The following PIGU variants were observed in gnomAD, a reference collection of about 807,000 sequenced individuals.
The protein encoded by PIGU is GPI-anchor transamidase component PIGU.
A neutral mutation model predicts 49.9 loss-of-function variants in PIGU; 24 were observed. That is an observed-to-expected ratio of 0.48 (90% CI 0.35 to 0.68). PIGU has a LOEUF of 0.68. Among genes scored for constraint, PIGU ranks in the 30% least tolerant of loss-of-function variants. The pLI is 0.01. For synonymous variants in PIGU, 220 were observed against 205.7 expected (o/e 1.07, Z -0.59); for missense variants, 490 against 532.6 (o/e 0.92, Z 0.79).
chr20:34,583,560 C>T (rs1284706796), intron 9 of PIGU, among the ~76,000 whole-genome samples: 1 of 152,222 alleles, frequency 6.6e-6, no homozygotes, highest in African/African-American at 2.4e-5. Context: ...GACATTATTG[C>T]CTAGCCAGGA....
chr20:34,647,105 C>A (rs1455468875), intron 2 of PIGU, among the ~76,000 whole-genome samples: 1 of 151,970 alleles, frequency 6.6e-6, no homozygotes, highest in Non-Finnish European at 1.5e-5. Context: ...CGGGTTCAAG[C>A]GATTCTCCTG....
At position 34,560,765 on chromosome 20, in the gene PIGU, C is replaced by A; in HGVS notation, c.*101G>T. On this transcript the variant is annotated 3_prime_UTR_variant, in exon 12 of 12. Coordinates refer to ENST00000217446, the MANE Select transcript of PIGU (RefSeq NM_080476.5). ...TTGTGACCCTGGACTCGAACCTCTT[C>A]TGCCCAAGCACTCGCCTGCTGGCAA... is the stretch of plus-strand genomic sequence containing the variant. 1.2e-6 allele frequency: 1 copy of A among 847,234 alleles called. No individual in the cohort carries two copies. The highest frequency in any genetic ancestry group is 1.7e-6 in the Non-Finnish European group (1 of 575,068). The allele number at this position is 847,234 out of a possible 1,614,324, so 52.5% of individuals were successfully genotyped here. A position where few individuals can be genotyped will look rare whatever the true frequency, so the allele number is the denominator to read the frequency against.
chr20:34,656,577 C>T (rs1004778192), intron 2 of PIGU, among the ~76,000 whole-genome samples: 27 of 152,002 alleles, frequency 1.8e-4, no homozygotes, highest in South Asian at 4.2e-4. Flanking sequence ...CCACTGCACC[C>T]GGCCTGTTTT....
chr20:34,600,545 G>A (rs1984376347), intron 7 of PIGU, among the ~76,000 whole-genome samples: 1 of 151,316 alleles, frequency 6.6e-6, no homozygotes, highest in Non-Finnish European at 1.5e-5. Context: ...TCTTCCTCCT[G>A]AAAAAGACTG....
chr20:34,566,300 T>C (rs948172976), intron 11 of PIGU, among the ~76,000 whole-genome samples: 3 of 152,254 alleles, frequency 2.0e-5, no homozygotes, highest in Non-Finnish European at 4.4e-5. Flanking sequence ...TCCAGTTCTA[T>C]GGCCCCAGGC....
intron 5 of PIGU, among the ~76,000 whole-genome samples, chr20:34,636,422 T>C (rs1000004525): frequency 6.6e-6 from 1 of 151,824 alleles, no homozygotes; most frequent in South Asian, 2.1e-4. Flanking sequence ...CGGGTACCTG[T>C]AGTCCCAGCT....
intron 1 of PIGU, among the ~76,000 whole-genome samples, chr20:34,665,782 T>C (rs998842332): frequency 2.1e-4 from 32 of 152,306 alleles, no homozygotes; most frequent in Admixed American, 3.9e-4. Flanking sequence ...AGATGTTTCA[T>C]CTATGTACAT....
intron 1 of PIGU, among the ~76,000 whole-genome samples, chr20:34,663,944 C>A (rs1432076172): frequency 6.6e-6 from 1 of 152,168 alleles, no homozygotes; most frequent in African/African-American, 2.4e-5. Context: ...AGCTTGAGGA[C>A]AGACTGCACA....
At chr20:34,646,698 T>G (rs1986357244) in intron 2 of PIGU, among the ~76,000 whole-genome samples, 6 of 152,214 alleles carry the variant, frequency 3.9e-5, no homozygotes, top group Admixed American at 3.9e-4. Flanking sequence ...CAGGAGCCAC[T>G]GTGCCCAGCC....
At chr20:34,621,992 A>G (rs1985253034) in intron 6 of PIGU, among the ~76,000 whole-genome samples, 1 of 152,084 alleles carries the variant, frequency 6.6e-6, no homozygotes, top group South Asian at 2.1e-4. Context: ...GGAGGGCAAG[A>G]GAGAATGGTG....
intron 10 of PIGU, among the ~76,000 whole-genome samples, chr20:34,576,995 G>A (rs1002889736): frequency 3.9e-5 from 6 of 152,112 alleles, no homozygotes; most frequent in African/African-American, 9.7e-5. Flanking sequence ...GGATTACAAC[G>A]TGGACATCTT....
chr20:34,635,416 C>G (rs1325237604), intron 5 of PIGU, among the ~76,000 whole-genome samples: 1 of 152,162 alleles, frequency 6.6e-6, no homozygotes, highest in African/African-American at 2.4e-5. Context: ...TGGACCCTCA[C>G]TAGGAAGGAG....
chr20:34,600,556 C>T (rs1055423147), intron 7 of PIGU, among the ~76,000 whole-genome samples: 35 of 151,574 alleles, frequency 2.3e-4, no homozygotes, highest in African/African-American at 8.3e-4. Flanking sequence ...AAAAAGACTG[C>T]CATTTAGCAA....
chr20:34,589,104 TACACACAC>T (rs11469162), intron 7 of PIGU, among the ~76,000 whole-genome samples: 50,278 of 145,676 alleles, frequency 0.35, 9,380 homozygotes, highest in Non-Finnish European at 0.43. Flanking sequence ...TACTATTATT[TACACACAC>T]ACACACACAC....
At chr20:34,576,326 C>T (rs1041463912) in intron 10 of PIGU, among the ~76,000 whole-genome samples, 1 of 152,204 alleles carries the variant, frequency 6.6e-6, no homozygotes, top group Non-Finnish European at 1.5e-5. Flanking sequence ...ACAGATATAT[C>T]ACTGGCTACA....
chr20:34,634,020 G>A (rs949644077), intron 6 of PIGU, among the ~76,000 whole-genome samples: 1 of 152,180 alleles, frequency 6.6e-6, no homozygotes, highest in South Asian at 2.1e-4. Flanking sequence ...GTTGAACTAG[G>A]GGTGGGAAGA....
At chr20:34,638,753 A>T (rs1261343707) in intron 4 of PIGU, among the ~76,000 whole-genome samples, 1 of 152,056 alleles carries the variant, frequency 6.6e-6, no homozygotes, top group Non-Finnish European at 1.5e-5. Flanking sequence ...GTTAATAGGG[A>T]GTGGGATGGG....
At chr20:34,633,020 C>A (rs536159380) in intron 6 of PIGU, among the ~76,000 whole-genome samples, 9 of 149,716 alleles carry the variant, frequency 6.0e-5, no homozygotes, top group African/African-American at 2.0e-4. Flanking sequence ...AAGCAAAAAA[C>A]CAAACAAGCA....
At chr20:34,595,866 A>C (rs186980405) in intron 7 of PIGU, among the ~76,000 whole-genome samples, 2 of 152,194 alleles carry the variant, frequency 1.3e-5, no homozygotes, top group Non-Finnish European at 2.9e-5. Context: ...TGGGAGGCCA[A>C]GGTGGGTGGA....
Sources: allele counts gnomAD v4.1 joint callset (sites outside exome capture counted in the v4.1 genomes callset), GRCh38; gene constraint gnomAD v4.1.1; transcripts MANE v1.5; gene names NCBI Gene and HGNC (gene_info 2026-07-23, HGNC 2026-07-21).